HNRNPD: variants seen among roughly 807,000 people sequenced by gnomAD.
The protein encoded by HNRNPD is heterogeneous nuclear ribonucleoprotein D0.
In HNRNPD, 3 loss-of-function variants were observed where a neutral mutation model predicts 47.9. The ratio of observed to expected loss-of-function variants is 0.06; its 90% CI spans 0.03 to 0.16. The LOEUF (loss-of-function observed/expected upper bound fraction) is 0.16. Ranked by LOEUF, HNRNPD falls within the 10% of genes least tolerant of loss-of-function variation. The pLI, the probability that HNRNPD is intolerant of heterozygous loss-of-function variation, is 1.00. For missense variants in HNRNPD, 287 were observed against 454.2 expected (o/e 0.63, Z 3.35); for synonymous variants, 171 against 165.1 (o/e 1.04, Z -0.28).
Position 82,373,872 on chromosome 4 carries a change from C to G in HNRNPD, c.-194G>C. Reference sequence around the variant, plus strand: ...GCCTGCCCCCTTCGCCTCCCACTCTCGCGCGGCGCACACTCCCGCTCTCTC... The same window carrying G: ...GCCTGCCCCCTTCGCCTCCCACTCTGGCGCGGCGCACACTCCCGCTCTCTC... On this transcript the variant is annotated 5_prime_UTR_variant, in exon 1 of 9. Coordinates refer to ENST00000313899, the MANE Select transcript of HNRNPD (RefSeq NM_031370.3). 4 of 1,293,990 alleles carry G rather than the reference C, an allele frequency of 3.1e-6. No individual in the cohort carries two copies. The highest frequency in any genetic ancestry group is 4.1e-6 in the Non-Finnish European group (4 of 979,716). The allele number at this position is 1,293,990 out of a possible 1,614,324, so 80.2% of individuals were successfully genotyped here. A position where few individuals can be genotyped will look rare whatever the true frequency, so the allele number is the denominator to read the frequency against.
Position 82,373,908 on chromosome 4 carries a change from A to G in HNRNPD, c.-230T>C. On this transcript the variant is annotated 5_prime_UTR_variant, in exon 1 of 9. Coordinates refer to ENST00000313899, the MANE Select transcript of HNRNPD (RefSeq NM_031370.3). ...CACTCCCGCTCTCTCCCGCTGCACT[A>G]AAAAAGAATAAGCACCAGCGGCGGC... 2.9e-6 allele frequency: 3 copies of G among 1,026,368 alleles called. No homozygotes were observed. The highest frequency in any genetic ancestry group is 1.8e-5 in the South Asian group (1 of 54,768). 63.6% of individuals were successfully genotyped at this position (1,026,368 alleles called of 1,614,324 possible).
intron 2 of HNRNPD, among the ~76,000 whole-genome samples, chr4:82,362,017 C>T (rs2109994227): frequency 6.6e-6 from 1 of 152,314 alleles, no homozygotes; most frequent in Non-Finnish European, 1.5e-5. Context: ...TAAAGCACCG[C>T]CTGCCCTCTC....
chr4:82,364,802 T>C (rs1426293448), intron 2 of HNRNPD, among the ~76,000 whole-genome samples: 1 of 152,208 alleles, frequency 6.6e-6, no homozygotes, highest in Non-Finnish European at 1.5e-5. Flanking sequence ...AAAGGAAATA[T>C]ACATGGAGCA....
At chr4:82,358,266 AATG>A (rs1299009755) in intron 4 of HNRNPD, 5 of 165,812 alleles carry the variant, frequency 3.0e-5, no homozygotes, top group African/African-American at 1.2e-4. Context: ...ATGAGTCTAT[AATG>A]ATTAGTCTCA....
At chr4:82,368,479 C>T (rs1719874597) in intron 2 of HNRNPD, among the ~76,000 whole-genome samples, 1 of 152,132 alleles carries the variant, frequency 6.6e-6, no homozygotes, top group African/African-American at 2.4e-5. Flanking sequence ...ATGACATTCT[C>T]CCAATTCCAA....
chr4:82,355,557 A>T (rs1394114367), intron 7 of HNRNPD, 156 bp from the exon 8 acceptor site: 1 of 619,536 alleles, frequency 1.6e-6, no homozygotes, highest in African/African-American at 1.8e-5. Flanking sequence ...ATAATTTACC[A>T]AATATGTAGT....
Position 82,357,319 on chromosome 4 carries a change from A to G in HNRNPD, c.747T>C (p.Leu249=), listed in dbSNP as rs549240381. 2.5e-6 allele frequency: 4 copies of G among 1,609,046 alleles called. No homozygotes were observed. Among genetic ancestry groups the G allele is most frequent in the Non-Finnish European group, 3.4e-6 (4 of 1,178,580 alleles). The change falls in exon 5 of 9, where the codon CTT becomes CTC. Residue 249 remains leucine (L), a synonymous_variant. Coordinates refer to ENST00000313899, the MANE Select transcript of HNRNPD (RefSeq NM_031370.3). ...AAATGGATGCTTAACTTACTTTACT[A>G]AGACCAACATTGTGGTATTTCTTTT... The part of the protein sequence containing the change: ...IMEKKYHNVG[L]SKCEIKVAMS...
At chr4:82,358,607 T>C in intron 4 of HNRNPD, 52 bp downstream of exon 4, 1 of 1,523,406 alleles carries the variant, frequency 6.6e-7, no homozygotes, top group East Asian at 2.3e-5. Flanking sequence ...AATGGGACAA[T>C]CACATTCACA....
chr4:82,373,323 C>T (rs1720187023), intron 1 of HNRNPD, 123 bp downstream of exon 1: 1 of 1,310,620 alleles, frequency 7.6e-7, no homozygotes, highest in Non-Finnish European at 1.0e-6. Context: ...GAGACCAGTG[C>T]AAGGAGGCTG....
rs1337043585 is a variant in HNRNPD, at chr4:82,358,651, T to G, written c.621+8A>C. 6.2e-7 allele frequency: 1 copy of G among 1,603,686 alleles called. No homozygotes were observed. Among genetic ancestry groups the G allele is most frequent in the Admixed American group, 1.7e-5 (1 of 57,598 alleles). On this transcript the variant is annotated splice_region_variant and intron_variant, in intron 4 of 8. Transcript: ENST00000313899. ...GACATAAACTGGGTCAAAACATTTATAACATACCTCACCAAAACCACCAAA... is the reference window on the plus strand; with the variant it reads ...GACATAAACTGGGTCAAAACATTTAGAACATACCTCACCAAAACCACCAAA...
intron 2 of HNRNPD, among the ~76,000 whole-genome samples, chr4:82,364,411 C>T (rs1209272434): frequency 3.9e-5 from 6 of 152,206 alleles, no homozygotes; most frequent in African/African-American, 9.7e-5. Context: ...TAGTCTGACA[C>T]ACATCCTAAA....
intron 2 of HNRNPD, among the ~76,000 whole-genome samples, chr4:82,368,397 T>G (rs372050994): frequency 2.1e-4 from 32 of 152,242 alleles, no homozygotes; most frequent in African/African-American, 7.7e-4. Context: ...AAGGGTCACA[T>G]GGCTTAAGGG....
Position 82,353,346 on chromosome 4 carries a change from T to C in HNRNPD, c.*839A>G, listed in dbSNP as rs1162155256. On this transcript the variant is annotated 3_prime_UTR_variant, in exon 9 of 9. Coordinates refer to ENST00000313899, the MANE Select transcript of HNRNPD (RefSeq NM_031370.3). The stretch of plus-strand genomic sequence containing the variant: ...CACACATAAACACGGTATATATTTC[T>C]TTAATCCTCCCTCAACACTTGAATT... The C allele has an allele frequency of 6.6e-6, 1 of 152,170 alleles. No individual in the cohort carries two copies. Among genetic ancestry groups the C allele is most frequent in the Non-Finnish European group, 1.5e-5 (1 of 67,996 alleles). 9.4% of individuals were successfully genotyped at this position (152,170 alleles called of 1,614,324 possible).
At chr4:82,372,750 T>C (rs1394838909) in intron 1 of HNRNPD, among the ~76,000 whole-genome samples, 1 of 152,104 alleles carries the variant, frequency 6.6e-6, no homozygotes, top group East Asian at 1.9e-4. Context: ...GCAAAACCAA[T>C]GTACCAACAA....
chr4:82,369,707 G>GA (rs1404073783), intron 2 of HNRNPD, among the ~76,000 whole-genome samples: 1 of 150,522 alleles, frequency 6.6e-6, no homozygotes, highest in East Asian at 1.9e-4. Flanking sequence ...AAAAGAGAGA[G>GA]AAAAAAGTCT....
chr4:82,359,416 T>A (rs181659003), intron 3 of HNRNPD, 55 bp downstream of exon 3: 1 of 1,247,482 alleles, frequency 8.0e-7, no homozygotes, highest in East Asian at 2.6e-5. Context: ...TGTATCAAAC[T>A]ATCCATATGT....
At chr4:82,356,760 A>C (rs1392106131) in intron 6 of HNRNPD, 36 bp downstream of exon 6, 1 of 1,612,516 alleles carries the variant, frequency 6.2e-7, no homozygotes, top group Non-Finnish European at 8.5e-7. Context: ...AAAAGCAGAA[A>C]AGCTTAAGAT....
At chr4:82,360,678 G>A (rs1719357260) in intron 2 of HNRNPD, among the ~76,000 whole-genome samples, 2 of 152,194 alleles carry the variant, frequency 1.3e-5, no homozygotes, top group African/African-American at 4.8e-5. Context: ...GGTGGGGACT[G>A]GGATGTGACA....
chr4:82,366,242 A>G (rs2109998758), intron 2 of HNRNPD, among the ~76,000 whole-genome samples: 1 of 152,232 alleles, frequency 6.6e-6, no homozygotes, highest in Middle Eastern at 3.4e-3. Context: ...TAAATGAAAC[A>G]TGACAGTTTT....
Sources: allele counts gnomAD v4.1 joint callset (sites outside exome capture counted in the v4.1 genomes callset), GRCh38; gene constraint gnomAD v4.1.1; transcripts MANE v1.5; gene names NCBI Gene and HGNC (gene_info 2026-07-23, HGNC 2026-07-21).